The following HCLS1 variants were observed in gnomAD, a reference collection of about 807,000 sequenced individuals.
The protein encoded by HCLS1 is hematopoietic cell-specific Lyn substrate 1.
Under a neutral mutation model 68.6 loss-of-function variants are expected in HCLS1, and 44 were observed. The observed-to-expected ratio is 0.64, with a 90% CI of 0.50 to 0.82. HCLS1 has a LOEUF of 0.82. HCLS1 is among the 40% of genes least tolerant of loss of function. HCLS1 has a pLI of 0.00. For synonymous variants in HCLS1, 217 were observed against 225.8 expected, an observed-to-expected ratio of 0.96 and a Z score of 0.35; for missense variants, 602 against 612.1, an observed-to-expected ratio of 0.98 and a Z score of 0.17.
rs938573267 is a variant in HCLS1, at chr3:121,633,178, A to G, written c.904-7T>C. ...TCCCAACTGGAGGCCAGGCCTGTGG[A>G]AAATGAAGCATCTCTCAAGTAAGCA... On this transcript the variant is annotated splice_polypyrimidine_tract_variant and splice_region_variant and intron_variant, in intron 10 of 13. Transcript: ENST00000314583. 3 of 1,566,624 alleles carry G rather than the reference A, an allele frequency of 1.9e-6. No individual in the cohort carries two copies. Among genetic ancestry groups the G allele is most frequent in the Non-Finnish European group, 2.6e-6 (3 of 1,149,020 alleles).
chr3:121,660,576 A>G (rs1242389989), intron 1 of HCLS1, among the ~76,000 whole-genome samples: 1 of 152,102 alleles, frequency 6.6e-6, no homozygotes, highest in East Asian at 1.9e-4. Context: ...ACCAGGCAAC[A>G]CTTTGCTTGA....
At chr3:121,639,810 T>G (rs2049180988) in intron 6 of HCLS1, among the ~76,000 whole-genome samples, 1 of 152,190 alleles carries the variant, frequency 6.6e-6, no homozygotes, top group Admixed American at 6.5e-5. Context: ...AGTGCCCATA[T>G]AGTAAAGGAA....
chr3:121,658,136 C>T, intron 2 of HCLS1, 128 bp downstream of exon 2: 2 of 704,728 alleles, frequency 2.8e-6, no homozygotes, highest in Middle Eastern at 3.7e-4. Flanking sequence ...ACCAATTAGT[C>T]CCAGTATGAG....
chr3:121,657,451 A>G, intron 2 of HCLS1, 99 bp from the exon 3 acceptor site: 1 of 999,704 alleles, frequency 1.0e-6, no homozygotes, highest in African/African-American at 1.6e-5. Flanking sequence ...CCCTGTGTCC[A>G]CTGCCTTCTT....
At chr3:121,635,876 G>C in intron 8 of HCLS1, 72 bp from the exon 9 acceptor site, 1 of 1,165,716 alleles carries the variant, frequency 8.6e-7, no homozygotes. Context: ...GGTAGTATTG[G>C]GGGTTGGGGG....
intron 3 of HCLS1, among the ~76,000 whole-genome samples, chr3:121,655,823 C>T (rs1262328563): frequency 7.3e-6 from 1 of 137,842 alleles, no homozygotes; most frequent in Non-Finnish European, 1.6e-5. Context: ...TAATTGAAAC[C>T]ATTTATTTAT....
chr3:121,642,303 C>A (rs867309525), intron 6 of HCLS1, among the ~76,000 whole-genome samples: 37 of 127,390 alleles, frequency 2.9e-4, no homozygotes, highest in Non-Finnish European at 3.0e-4. Context: ...ACTAAAAATA[C>A]AAAAAAAAAA....
rs1174848296 is a variant in HCLS1 at position 121,631,958 on chromosome 3, T to A, written c.1349A>T (p.Asp450Val). The change falls in exon 14 of 14, where the codon GAT becomes GTT. Residue 450 changes from aspartate to valine, a missense_variant. Physicochemically the swap from Asp to Val is radical, Grantham distance 152 (BLOSUM62 -3). Coordinates refer to ENST00000314583, the MANE Select transcript of HCLS1 (RefSeq NM_005335.6). ...QGEGSDELSF[D>V]PDDVITDIEM... is the part of the protein sequence containing the mutation. ...AATGTCAGTGATTACGTCGTCCGGA[T>A]CAAAGGAAAGCTCATCACTTCCCTC... 3 of 1,614,032 alleles carry A rather than the reference T, an allele frequency of 1.9e-6. No homozygotes were observed. The African/African-American group carries it at 4.0e-5, about 22-fold the overall frequency.
At chr3:121,659,642 C>T (rs1013712703) in intron 1 of HCLS1, among the ~76,000 whole-genome samples, 5 of 152,130 alleles carry the variant, frequency 3.3e-5, no homozygotes, top group Non-Finnish European at 5.9e-5. Flanking sequence ...CTGAGTCAGC[C>T]GGGAGTCATG....
chr3:121,656,451 A>G (rs115063595), intron 3 of HCLS1, among the ~76,000 whole-genome samples: 8 of 152,324 alleles, frequency 5.3e-5, no homozygotes, highest in African/African-American at 1.7e-4. Context: ...TCCTGGTTAG[A>G]TGATCCTGAA....
chr3:121,634,059 A>T, intron 10 of HCLS1, 148 bp downstream of exon 10: 1 of 1,383,650 alleles, frequency 7.2e-7, no homozygotes, highest in Non-Finnish European at 9.6e-7. Context: ...AATTACAGTC[A>T]GACTGAAGTC....
chr3:121,644,821 G>A lies in HCLS1; in HGVS notation c.396C>T (p.Asp132=), dbSNP rs763254851. 1 of 1,609,052 alleles carries A rather than the reference G, an allele frequency of 6.2e-7. No homozygotes were observed. The highest frequency in any genetic ancestry group is 1.3e-5 in the African/African-American group (1 of 74,814). ...GKYGVERDRA[D]KSAVGFDYKG... The stretch of plus-strand genomic sequence containing the variant: ...GGGAGAGAGAGTGGTCACTTACCTT[G>A]TCTGCCCTGTCCCTCTCAACTCCGT... The change falls in exon 5 of 14, where the codon GAC becomes GAT. Residue 132 remains aspartate (D), a synonymous_variant. Coordinates refer to ENST00000314583, the MANE Select transcript of HCLS1 (RefSeq NM_005335.6).
intron 3 of HCLS1, among the ~76,000 whole-genome samples, chr3:121,654,491 A>G (rs1937819800): frequency 6.6e-6 from 1 of 152,204 alleles, no homozygotes. Context: ...TGAATGGGCA[A>G]GAGTGGAGAA....
chr3:121,644,386 C>A, intron 5 of HCLS1: 2 of 304,576 alleles, frequency 6.6e-6, no homozygotes, highest in Non-Finnish European at 1.3e-5. Context: ...AAATAGTAAC[C>A]CTAATTAGTT....
At chr3:121,637,944 A>G (rs905376711) in intron 6 of HCLS1, among the ~76,000 whole-genome samples, 1 of 152,098 alleles carries the variant, frequency 6.6e-6, no homozygotes, top group African/African-American at 2.4e-5. Context: ...TCAAAAAAAA[A>G]AAAAGTGAAG....
chr3:121,637,405 C>T (rs765081040), intron 6 of HCLS1, 149 bp from the exon 7 acceptor site: 2 of 599,724 alleles, frequency 3.3e-6, no homozygotes, highest in Admixed American at 2.9e-5. Context: ...TAAAGAGAAG[C>T]CATGTCTTAA....
chr3:121,642,845 T>C (rs1326770460), intron 6 of HCLS1, 82 bp downstream of exon 6: 2 of 1,072,442 alleles, frequency 1.9e-6, no homozygotes, highest in East Asian at 4.7e-5. Context: ...AAAAAGCTGA[T>C]GACAACTGCT....
intron 6 of HCLS1, among the ~76,000 whole-genome samples, chr3:121,639,530 T>TTTG (rs373818113): frequency 0.24 from 35,657 of 150,996 alleles, 4,274 homozygotes; most frequent in South Asian, 0.3. Context: ...GATTTTATTT[T>TTTG]TTGTTGTTGT....
Position 121,652,449 on chromosome 3 carries a change from T to A in HCLS1, c.158+4830A>T, listed in dbSNP as rs1576220065. 3.3e-5 allele frequency among the ~76,000 whole-genome samples: 5 copies of A among 151,704 alleles called. No individual in the cohort carries two copies. The South Asian group carries it at 1.0e-3, about 32-fold the overall frequency. On this transcript the variant is annotated intron_variant, in intron 3 of 13. Coordinates refer to ENST00000314583, the MANE Select transcript of HCLS1 (RefSeq NM_005335.6). ...CAGGCGGATCACTTGAGGTCAGGAG[T>A]TCAAGACCAGTCTGGCCAACATGGT...
Sources: allele counts gnomAD v4.1 joint callset (sites outside exome capture counted in the v4.1 genomes callset), GRCh38; gene constraint gnomAD v4.1.1; transcripts MANE v1.5; gene names NCBI Gene and HGNC (gene_info 2026-07-23, HGNC 2026-07-21).